RALGDS: variants seen among roughly 807,000 people sequenced by gnomAD.
RALGDS encodes the protein ral guanine nucleotide exchange factor.
A neutral mutation model predicts 99.8 loss-of-function variants in RALGDS; 44 were observed. The observed-to-expected ratio is 0.44, with a 90% confidence interval of 0.35 to 0.57. The LOEUF (loss-of-function observed/expected upper bound fraction) is 0.57. RALGDS is among the 20% of genes least tolerant of loss of function. The pLI, the probability that RALGDS is intolerant of heterozygous loss-of-function variation, is 0.01. For missense variants in RALGDS, 1,022 were observed against 1,203.1 expected, an observed-to-expected ratio of 0.85 and a Z score of 2.23; for synonymous variants, 529 against 505.0, an observed-to-expected ratio of 1.05 and a Z score of -0.64.
At chr9:133,119,605 G>A (rs934332494) in intron 1 of RALGDS, among the ~76,000 whole-genome samples, 1 of 152,128 alleles carries the variant, frequency 6.6e-6, no homozygotes, top group Non-Finnish European at 1.5e-5. Context: ...GACCCTCCCA[G>A]CACACAAAGC....
At chr9:133,115,807 C>T (rs113782033) in intron 1 of RALGDS, among the ~76,000 whole-genome samples, 4,437 of 152,304 alleles carry the variant, frequency 0.029, 98 homozygotes, top group Non-Finnish European at 0.044. Context: ...GGGACCTAGC[C>T]GAGGGACACT....
intron 2 of RALGDS, among the ~76,000 whole-genome samples, chr9:133,110,910 C>T (rs1831307243): frequency 6.6e-6 from 1 of 151,702 alleles, no homozygotes; most frequent in Non-Finnish European, 1.5e-5. Context: ...GGCAAAACCC[C>T]ATCTCTACAA....
chr9:133,141,492 CG>C (rs1564255286), intron 1 of RALGDS, among the ~76,000 whole-genome samples: 1 of 151,942 alleles, frequency 6.6e-6, no homozygotes, highest in African/African-American at 2.4e-5. Context: ...ACAGCAACTG[CG>C]GGGACCTCAG....
intron 1 of RALGDS, among the ~76,000 whole-genome samples, chr9:133,120,421 TCCCCCGACCCC>T (rs1831861066): frequency 1.5e-5 from 1 of 64,716 alleles, no homozygotes; most frequent in Non-Finnish European, 3.3e-5. Flanking sequence ...CTCCACCCCA[TCCCCCGACCCC>T]CCCCCCACCC....
intron 10 of RALGDS, 29 bp downstream of exon 10, chr9:133,104,234 T>C: frequency 6.3e-7 from 1 of 1,594,910 alleles, no homozygotes; most frequent in Non-Finnish European, 8.6e-7. Context: ...GCCAGCCCCC[T>C]GCCCCTCCGC....
Position 133,139,589 on chromosome 9 carries a change from G to C in RALGDS, c.18+9374C>G, listed in dbSNP as rs576730465. ...CTGGAACTTGGCCTCAGGGAAGAAG[G>C]GGGTCGGGGGAGAGTGGGATGCGTG... is the stretch of plus-strand genomic sequence containing the variant. On this transcript the variant is annotated intron_variant, in intron 1 of 17. Coordinates refer to the RALGDS transcript ENST00000393160. Among the ~76,000 whole-genome samples the C allele has an allele frequency of 2.6e-5, 4 of 152,334 alleles. No homozygotes were observed. The East Asian group carries it at 7.7e-4, about 29-fold the overall frequency.
chr9:133,111,061 C>T (rs1349925155), intron 2 of RALGDS, among the ~76,000 whole-genome samples: 1 of 152,134 alleles, frequency 6.6e-6, no homozygotes, highest in African/African-American at 2.4e-5. Flanking sequence ...GAGTGAGACC[C>T]TGTCTCTAAA....
intron 1 of RALGDS, among the ~76,000 whole-genome samples, chr9:133,120,699 C>G (rs1588552237): frequency 2.0e-5 from 3 of 152,186 alleles, no homozygotes; most frequent in Admixed American, 6.5e-5. Flanking sequence ...GCTGCAGCGG[C>G]CTTGGTGACA....
intron 1 of RALGDS, among the ~76,000 whole-genome samples, chr9:133,147,433 T>A (rs544132740): frequency 6.6e-6 from 1 of 152,258 alleles, no homozygotes; most frequent in East Asian, 1.9e-4. Flanking sequence ...CAGGCCCCCC[T>A]GGGTCACTTT....
Position 133,136,635 on chromosome 9 carries a change from G to A in RALGDS, c.18+12328C>T, listed in dbSNP as rs539765855. ...CTAAAAATACAAAAATTAGCCAGGC[G>A]TGGTGGCGGCGCCTGTAACCCCAGC... On this transcript the variant is annotated intron_variant, in intron 1 of 17. Transcript: ENST00000393160. Among the ~76,000 whole-genome samples, 9 of 152,258 alleles carry A rather than the reference G, an allele frequency of 5.9e-5. No homozygotes were observed. The East Asian group carries it at 9.7e-4, about 16-fold the overall frequency.
At chr9:133,131,164 C>T, upstream of RALGDS, 2 of 1,409,226 alleles carry the variant, frequency 1.4e-6, no homozygotes, top group South Asian at 3.0e-5. Flanking sequence ...GAGCATCTCA[C>T]ATCCTCTTCC....
At chr9:133,114,383 G>A (rs1831492996) in intron 1 of RALGDS, among the ~76,000 whole-genome samples, 1 of 152,202 alleles carries the variant, frequency 6.6e-6, no homozygotes, top group Non-Finnish European at 1.5e-5. Flanking sequence ...TGGTGGAGGT[G>A]CAGGCTCCAG....
Position 133,115,211 on chromosome 9 carries a change from C to T in RALGDS, c.184-3059G>A, listed in dbSNP as rs905926930. On this transcript the variant is annotated intron_variant, in intron 1 of 17. Transcript: ENST00000372050. ...CAGCATCAGCCTTCTGGTGCAGCTCCGGACTCAGACGCCTTTCCTTGGAAA... is the reference window on the plus strand; with the variant it reads ...CAGCATCAGCCTTCTGGTGCAGCTCTGGACTCAGACGCCTTTCCTTGGAAA... Among the ~76,000 whole-genome samples the T allele has an allele frequency of 2.6e-5, 4 of 152,232 alleles. No homozygotes were observed. The South Asian group carries it at 6.2e-4, about 24-fold the overall frequency.
intron 9 of RALGDS, among the ~76,000 whole-genome samples, chr9:133,105,349 A>G (rs1414015037): frequency 1.3e-5 from 2 of 152,078 alleles, no homozygotes; most frequent in African/African-American, 4.8e-5. Context: ...GCCACAGCTA[A>G]TGGGGTGCCA....
At chr9:133,142,266 C>T (rs982120502) in intron 1 of RALGDS, among the ~76,000 whole-genome samples, 1 of 152,254 alleles carries the variant, frequency 6.6e-6, no homozygotes, top group South Asian at 2.1e-4. Flanking sequence ...CTCAGCAGGT[C>T]AGGCCCCTTC....
upstream of RALGDS, among the ~76,000 whole-genome samples, chr9:133,132,430 C>T (rs937130260): frequency 2.6e-5 from 4 of 152,132 alleles, no homozygotes; most frequent in African/African-American, 9.7e-5. Context: ...TCGGCTGCCA[C>T]TCCAGGTTTA....
intron 1 of RALGDS, among the ~76,000 whole-genome samples, chr9:133,139,404 G>A (rs543692138): frequency 6.6e-6 from 1 of 152,200 alleles, no homozygotes; most frequent in African/African-American, 2.4e-5. Flanking sequence ...CGAGGGGGCA[G>A]GGGGACCAGG....
intron 5 of RALGDS, 57 bp from the exon 6 acceptor site, chr9:133,108,463 C>T: frequency 1.3e-6 from 2 of 1,494,746 alleles, no homozygotes; most frequent in Non-Finnish European, 9.0e-7. Flanking sequence ...TTTCCAAAGA[C>T]ACAGAACAGC....
exon 1 of RALGDS, chr9:133,130,964 C>T (rs1374822622): frequency 6.5e-7 from 1 of 1,535,484 alleles, no homozygotes. Flanking sequence ...TCCTGGGAAC[C>T]TGGCCGGGTG....
Sources: gnomAD v4.1 joint callset for allele counts (sites outside exome capture counted in the v4.1 genomes callset) on GRCh38, gnomAD v4.1.1 for gene constraint, MANE v1.5 for transcripts, NCBI Gene and HGNC (gene_info 2026-07-23, HGNC 2026-07-21) for gene names.